Variants in TIAM1 observed in about 807,000 individuals in gnomAD.
TIAM1 encodes the protein rho guanine nucleotide exchange factor TIAM1.
TIAM1 carries 65 observed loss-of-function variants against 163.5 expected under a neutral mutation model. The ratio of observed to expected loss-of-function variants is 0.40; its 90% CI spans 0.33 to 0.49. The LOEUF (loss-of-function observed/expected upper bound fraction) is 0.49. Among genes scored for constraint, TIAM1 ranks in the 20% least tolerant of loss-of-function variants. The pLI, the probability that TIAM1 is intolerant of heterozygous loss-of-function variation, is 0.77. For missense variants in TIAM1, 1,789 were observed against 2,044.7 expected (o/e 0.87, Z 2.41); for synonymous variants, 833 against 810.1 (o/e 1.03, Z -0.48).
intron 8 of TIAM1, among the ~76,000 whole-genome samples, chr21:31,222,549 G>A (rs2087617834): frequency 6.6e-6 from 1 of 151,308 alleles, no homozygotes; most frequent in South Asian, 2.1e-4. Flanking sequence ...CTAATGCATC[G>A]GGTATTCGTG....
At chr21:31,371,524 C>G (rs573745610) in intron 2 of TIAM1, among the ~76,000 whole-genome samples, 97 of 152,278 alleles carry the variant, frequency 6.4e-4, no homozygotes, top group Non-Finnish European at 1.2e-3. Flanking sequence ...CAATTTGTTC[C>G]TGCATGTTTT....
intron 20 of TIAM1, among the ~76,000 whole-genome samples, chr21:31,143,446 T>C (rs577626556): frequency 8.0e-6 from 1 of 125,346 alleles, no homozygotes; most frequent in East Asian, 2.6e-4. Flanking sequence ...AGTGTATATA[T>C]AATTTTTATA....
chr21:31,516,139 C>A, intron 1 of TIAM1, among the ~76,000 whole-genome samples: 1 of 134,938 alleles, frequency 7.4e-6, no homozygotes. Context: ...GGGCTGGGCA[C>A]AGTGGCTCAC....
chr21:31,335,399 T>C (rs535043453), intron 2 of TIAM1, among the ~76,000 whole-genome samples: 2 of 152,234 alleles, frequency 1.3e-5, no homozygotes, highest in South Asian at 2.1e-4. Flanking sequence ...AATTGGCTAA[T>C]GTAGAAAAGA....
chr21:31,461,770 AT>A, intron 2 of TIAM1, among the ~76,000 whole-genome samples: 1 of 152,122 alleles, frequency 6.6e-6, no homozygotes, highest in East Asian at 1.9e-4. Context: ...GACTCAGGTG[AT>A]TTTCCCACCT....
intron 2 of TIAM1, among the ~76,000 whole-genome samples, chr21:31,421,621 C>A (rs1010425836): frequency 2.0e-5 from 3 of 152,096 alleles, no homozygotes; most frequent in Non-Finnish European, 1.5e-5. Context: ...ACCTTGGGTC[C>A]GTGGGAAAAA....
chr21:31,213,866 CAAAAAAAA>C (rs35524539), intron 9 of TIAM1, among the ~76,000 whole-genome samples: 1 of 54,878 alleles, frequency 1.8e-5, no homozygotes, highest in Non-Finnish European at 4.2e-5. Flanking sequence ...CTCATCTCTA[CAAAAAAAA>C]AAAAAAAAAA....
intron 1 of TIAM1, among the ~76,000 whole-genome samples, chr21:31,486,268 G>A (rs1294011194): frequency 6.6e-6 from 1 of 152,186 alleles, no homozygotes; most frequent in African/African-American, 2.4e-5. Flanking sequence ...GGGAAAAAAT[G>A]AAAACGCTCG....
upstream of TIAM1, among the ~76,000 whole-genome samples, chr21:31,347,664 C>T (rs984263560): frequency 1.3e-5 from 2 of 152,258 alleles, no homozygotes; most frequent in East Asian, 1.9e-4. Context: ...TTCTCAAGAT[C>T]GGGATGAACC....
chr21:31,298,133 T>G (rs113649084), intron 2 of TIAM1, among the ~76,000 whole-genome samples: 2 of 152,244 alleles, frequency 1.3e-5, no homozygotes, highest in African/African-American at 4.8e-5. Context: ...GTGGCTTGAC[T>G]GTCATGAGAA....
rs2077039925 is a variant in TIAM1 at position 31,395,070 on chromosome 21, TCTACCAA to T, written c.-368-55655_-368-55649del. Among the ~76,000 whole-genome samples the T allele has an allele frequency of 2.0e-5, 3 of 151,948 alleles. No individual in the cohort carries two copies. The highest frequency in any genetic ancestry group is 2.0e-4 in the Admixed American group (3 of 15,262). ...CTGGCCAACACAGTGAAACCCCGTA[TCTACCAA>T]AAATACAAACATTAGCCAGGCATGG... On this transcript the variant is annotated intron_variant, in intron 2 of 28. Transcript: ENST00000286827. The surrounding 1 kb of genome is among the most constrained non-coding windows in gnomAD (Gnocchi z 7.5).
intron 2 of TIAM1, among the ~76,000 whole-genome samples, chr21:31,277,559 C>T (rs1435381257): frequency 3.3e-5 from 5 of 152,132 alleles, no homozygotes; most frequent in South Asian, 2.1e-4. Context: ...GCGGGAGAAT[C>T]GCTGGAACCC....
At chr21:31,463,812 C>CA (rs35597903) in intron 2 of TIAM1, among the ~76,000 whole-genome samples, 61,137 of 130,376 alleles carry the variant, frequency 0.47, 13,653 homozygotes, top group East Asian at 0.67. Flanking sequence ...GCTCCGTCTC[C>CA]AAAAAAAAAA....
At chr21:31,131,201 T>G (rs2082401019) in intron 23 of TIAM1, among the ~76,000 whole-genome samples, 1 of 152,150 alleles carries the variant, frequency 6.6e-6, no homozygotes, top group Non-Finnish European at 1.5e-5. Context: ...CAAAAAACTT[T>G]TGCGTAAAAT....
At position 31,245,562 on chromosome 21, in the gene TIAM1, C is replaced by T; in HGVS notation, c.1510G>A (p.Ala504Thr). ...AVWVENSIVQ[A>T]VPEHPKKDFV... ...TCCTTCTTGGGGTGCTCAGGCACCGCCTGCACAATGCTGTTCTCCACCCAG... is the reference window on the plus strand; with the variant it reads ...TCCTTCTTGGGGTGCTCAGGCACCGTCTGCACAATGCTGTTCTCCACCCAG... The change falls in exon 6 of 28, where the codon GCG becomes ACG. Residue 504 changes from alanine to threonine, a missense_variant. Physicochemically the swap from Ala to Thr is moderately conservative, Grantham distance 58. Transcript: ENST00000541036. 1 of 1,606,408 alleles carries T rather than the reference C, an allele frequency of 6.2e-7. No individual in the cohort carries two copies. Among genetic ancestry groups the T allele is most frequent in the Non-Finnish European group, 8.5e-7 (1 of 1,176,518 alleles).
chr21:31,304,961 G>C, intron 2 of TIAM1, among the ~76,000 whole-genome samples: 1 of 152,182 alleles, frequency 6.6e-6, no homozygotes, highest in East Asian at 1.9e-4. Flanking sequence ...CCAAAGTGCT[G>C]GGATTATAGG....
intron 4 of TIAM1, among the ~76,000 whole-genome samples, chr21:31,258,590 G>C (rs542721973): frequency 2.2e-4 from 34 of 152,266 alleles, no homozygotes; most frequent in African/African-American, 8.2e-4. Flanking sequence ...CCAGCACTTT[G>C]GGAGGCCAAG....
intron 15 of TIAM1, among the ~76,000 whole-genome samples, chr21:31,178,541 C>T (rs925971547): frequency 5.9e-5 from 9 of 152,138 alleles, no homozygotes; most frequent in East Asian, 3.9e-4. Flanking sequence ...CTCCTGACCT[C>T]GTGATCTGCC....
intron 1 of TIAM1, among the ~76,000 whole-genome samples, chr21:31,531,784 T>C (rs2047979808): frequency 6.7e-6 from 1 of 149,002 alleles, no homozygotes; most frequent in African/African-American, 2.5e-5. Flanking sequence ...AGATGCCTCC[T>C]TGGGAGAAAC....
Sources: allele counts gnomAD v4.1 joint callset (sites outside exome capture counted in the v4.1 genomes callset), GRCh38; gene constraint gnomAD v4.1.1; non-coding constraint Gnocchi (gnomAD v3.1); transcripts MANE v1.5; gene names NCBI Gene and HGNC (gene_info 2026-07-23, HGNC 2026-07-21).